Variants in AKAP9 observed in about 807,000 individuals in gnomAD.
The protein encoded by AKAP9 is A-kinase anchor protein 9.
Under a neutral mutation model 488.5 loss-of-function variants are expected in AKAP9, and 311 were observed. That is an observed-to-expected ratio of 0.64 (90% CI 0.58 to 0.70). The LOEUF (loss-of-function observed/expected upper bound fraction) is 0.70. AKAP9 is among the 30% of genes least tolerant of loss of function. The probability of loss-of-function intolerance (pLI) is 0.00; values close to 1 mark genes in which losing one functional copy is unlikely to be tolerated. For missense variants in AKAP9, 4,215 were observed against 4,374.5 expected (o/e 0.96, Z 1.03); for synonymous variants, 1,462 against 1,483.5 (o/e 0.99, Z 0.33).
Position 92,022,996 on chromosome 7 carries a change from A to G in AKAP9, c.4135A>G (p.Thr1379Ala). Residue 1379 changes from threonine (T) to alanine (A), a missense_variant, in exon 14 of 50, where the codon ACG becomes GCG. Thr to Ala is a moderately conservative substitution (Grantham distance 58). Around this residue, in one of 5 missense-constraint regions of AKAP9, gnomAD observed 2,361 missense variants for 2,430.0 expected, o/e 0.97. Coordinates refer to ENST00000356239, the MANE Select transcript of AKAP9 (RefSeq NM_005751.5). ...QKRLQAVSES[T>A]VPPSLPVDSV... is the part of the protein sequence containing the mutation. Reference sequence around the variant, plus strand: ...GAGGCTTCAAGCTGTTAGTGAGTCCACGGTTCCGCCAAGGTATTCATCTGC... The same window carrying G: ...GAGGCTTCAAGCTGTTAGTGAGTCCGCGGTTCCGCCAAGGTATTCATCTGC... The G allele has an allele frequency of 6.2e-7, 1 of 1,613,762 alleles. No homozygotes were observed.
intron 16 of AKAP9, among the ~76,000 whole-genome samples, chr7:92,032,451 G>A (rs1370699140): frequency 2.0e-5 from 3 of 148,154 alleles, no homozygotes; most frequent in African/African-American, 5.0e-5. Flanking sequence ...AGCTGAGATC[G>A]CACCATTGTA....
intron 10 of AKAP9, 130 bp from the exon 11 acceptor site, chr7:92,015,999 G>C (rs1471889758): frequency 7.3e-6 from 5 of 685,692 alleles, no homozygotes; most frequent in Non-Finnish European, 1.2e-5. Flanking sequence ...TAAGGGTATG[G>C]AGAGAATGTT....
chr7:91,999,976 G>A (rs1368356742), intron 7 of AKAP9, among the ~76,000 whole-genome samples: 2 of 152,174 alleles, frequency 1.3e-5, no homozygotes, highest in South Asian at 2.1e-4. Flanking sequence ...TAGATTTCAT[G>A]TATTTATTTG....
At chr7:92,018,395 A>ACAC (rs1488182254) in intron 12 of AKAP9, among the ~76,000 whole-genome samples, 1 of 120,610 alleles carries the variant, frequency 8.3e-6, no homozygotes, top group Non-Finnish European at 1.7e-5. Context: ...CTAAAAATAT[A>ACAC]ACACACACAC....
chr7:92,075,606 C>T (rs1180745442), intron 28 of AKAP9, among the ~76,000 whole-genome samples: 1 of 152,204 alleles, frequency 6.6e-6, no homozygotes, highest in Non-Finnish European at 1.5e-5. Context: ...TCCACATACT[C>T]GCCATGTGGC....
Position 92,012,614 on chromosome 7 carries a change from A to G in AKAP9, c.3504A>G (p.Glu1168=), listed in dbSNP as rs13245393. 626,906 of 1,610,690 alleles carry G rather than the reference A, an allele frequency of 0.39. 124,580 individuals carry two copies. The highest frequency in any genetic ancestry group is 0.52 in the African/African-American group (38,606 of 74,796). The part of the protein sequence containing the change: ...IKELQKIHQL[E]LQTMKTQETG... ...AACTTCAGAAAATACACCAGTTAGAACTACAGACTATGAAAACACAAGAAA... is the reference window on the plus strand; with the variant it reads ...AACTTCAGAAAATACACCAGTTAGAGCTACAGACTATGAAAACACAAGAAA... The change falls in exon 9 of 50, where the codon GAA becomes GAG. Residue 1168 remains glutamate (E), a synonymous_variant. Transcript: ENST00000356239.
At position 92,099,706 on chromosome 7, in the gene AKAP9, G is replaced by A; in HGVS notation, c.10733G>A (p.Ser3578Asn). The change falls in exon 44 of 50, where the codon AGT becomes AAT. Residue 3578 changes from serine (S) to asparagine (N), a missense_variant. Ser to Asn is a conservative substitution (Grantham distance 46). Coordinates refer to ENST00000356239, the MANE Select transcript of AKAP9 (RefSeq NM_005751.5). The part of the protein sequence containing the change: ...QGEEPSLVSP[S>N]TSCGSLTERL... ...TTCCAGCCCAGCTTGGTGTCCCCAA[G>A]TACTTCTTGTGGCTCATTGACTGAA... 1 of 1,613,930 alleles carries A rather than the reference G, an allele frequency of 6.2e-7. No homozygotes were observed. The highest frequency in any genetic ancestry group is 8.5e-7 in the Non-Finnish European group (1 of 1,179,948).
intron 21 of AKAP9, among the ~76,000 whole-genome samples, chr7:92,050,429 A>G (rs1273003529): frequency 1.3e-5 from 2 of 152,068 alleles, no homozygotes; most frequent in African/African-American, 4.8e-5. Context: ...TTGTCCTCTG[A>G]GAGAGCAGCT....
Position 92,049,865 on chromosome 7 carries a change from A to G in AKAP9, c.5369-2861A>G, listed in dbSNP as rs192973253. Among the ~76,000 whole-genome samples, 44 of 152,252 alleles carry G rather than the reference A, an allele frequency of 2.9e-4. No homozygotes were observed. The Middle Eastern group carries it at 0.01, about 35-fold the overall frequency. ...GGCTTAAAAAAGCCAGAGGCCTTTT[A>G]TAAGTCACTTTCACGCACCCTCTTT... On this transcript the variant is annotated intron_variant, in intron 21 of 49. Transcript: ENST00000356239.
Position 92,003,424 on chromosome 7 carries a change from C to G in AKAP9, c.3318+189C>G, listed in dbSNP as rs180847563. 3.2e-4 allele frequency among the ~76,000 whole-genome samples: 49 copies of G among 151,798 alleles called. 1 individual carries two copies. The highest frequency in any genetic ancestry group is 1.2e-3 in the African/African-American group (48 of 41,442). On this transcript the variant is annotated intron_variant, in intron 8 of 49. Transcript: ENST00000356239. ...TACTTTTTTTTTTAAACCATTGTTG[C>G]CTTTCTTTCAGTTAATCTATCTTGT...
intron 1 of AKAP9, among the ~76,000 whole-genome samples, chr7:91,963,482 T>TCACACACACACACACACACA (rs56800758): frequency 2.2e-5 from 3 of 139,232 alleles, no homozygotes; most frequent in East Asian, 4.2e-4. Context: ...AACATATTTG[T>TCACACACACACACACACACA]CACACACACA....
At chr7:92,085,293 T>G (rs1563116778) in intron 35 of AKAP9, among the ~76,000 whole-genome samples, 1 of 152,146 alleles carries the variant, frequency 6.6e-6, no homozygotes, top group African/African-American at 2.4e-5. Context: ...CAGAAGGAAC[T>G]TAGAGATGAG....
Position 92,100,794 on chromosome 7 carries a change from T to C in AKAP9, c.10897-62T>C. 1.9e-6 allele frequency: 3 copies of C among 1,587,174 alleles called. No homozygotes were observed. The South Asian group carries it at 3.3e-5, about 18-fold the overall frequency. The stretch of plus-strand genomic sequence containing the variant: ...ACTGCATCATCATGCAGATATCTTT[T>C]TAATATGTTTAGCTCAGACTTTTCT... On this transcript the variant is annotated intron_variant, in intron 44 of 49. Coordinates refer to ENST00000356239, the MANE Select transcript of AKAP9 (RefSeq NM_005751.5).
At chr7:91,976,778 T>A (rs1177335346) in intron 2 of AKAP9, among the ~76,000 whole-genome samples, 1 of 152,246 alleles carries the variant, frequency 6.6e-6, no homozygotes, top group Non-Finnish European at 1.5e-5. Flanking sequence ...TACTGAGTCC[T>A]TCTAGTGGCT....
At chr7:92,056,221 G>A (rs555434035) in intron 22 of AKAP9, among the ~76,000 whole-genome samples, 3 of 151,764 alleles carry the variant, frequency 2.0e-5, no homozygotes, top group Non-Finnish European at 2.9e-5. Flanking sequence ...TATCCTGACC[G>A]AAATGTTAAC....
intron 3 of AKAP9, among the ~76,000 whole-genome samples, chr7:91,987,605 T>G (rs1477236346): frequency 6.6e-6 from 1 of 152,192 alleles, no homozygotes; most frequent in Admixed American, 6.5e-5. Flanking sequence ...TTTGGTGAAA[T>G]GTTTGATATG....
In AKAP9 at chr7:92,061,271, G is replaced by A. The variant is rs778297562; in HGVS notation, c.5613G>A (p.Ala1871=). ...ISETSSQLEH[A]KVTQTELMRE... ...CCCTCTTTGTTTAGCTTGAACATGC[G>A]AAAGTGACACAGACAGAGTTGATGC... Residue 1871 remains alanine, a synonymous_variant, in exon 23 of 50, where the codon GCG becomes GCA. Transcript: ENST00000356239. 9.9e-6 allele frequency: 16 copies of A among 1,611,792 alleles called. No individual in the cohort carries two copies. The highest frequency in any genetic ancestry group is 2.7e-5 in the African/African-American group (2 of 74,636).
intron 27 of AKAP9, among the ~76,000 whole-genome samples, chr7:92,070,444 GT>G (rs762874655): frequency 1.4e-5 from 2 of 140,768 alleles, no homozygotes; most frequent in Non-Finnish European, 3.1e-5. Flanking sequence ...GTTTTGTTTT[GT>G]TTTTTGGAGA....
chr7:91,990,295 A>G (rs1797597837), intron 3 of AKAP9, among the ~76,000 whole-genome samples: 1 of 152,036 alleles, frequency 6.6e-6, no homozygotes, highest in Non-Finnish European at 1.5e-5. Flanking sequence ...TAAATACTCT[A>G]CCCTTTAGTT....
Sources: gnomAD v4.1 joint callset for allele counts (sites outside exome capture counted in the v4.1 genomes callset) on GRCh38, gnomAD v4.1.1 for gene constraint, gnomAD v4.1.1 regional missense constraint, MANE v1.5 for transcripts, NCBI Gene and HGNC (gene_info 2026-07-23, HGNC 2026-07-21) for gene names.